LSM2: variants seen among roughly 807,000 people sequenced by gnomAD.
LSM2 encodes the protein LSM2 homolog, U6 small nuclear RNA and mRNA degradation associated, also known as U6 snRNA-associated Sm-like protein LSm2.
Under a neutral mutation model 17.0 loss-of-function variants are expected in LSM2, and 12 were observed. The observed-to-expected ratio is 0.70, with a 90% CI of 0.45 to 1.14. The LOEUF is 1.14. LSM2 is among the 50% of genes most tolerant of loss of function. The pLI is 0.00. For synonymous variants in LSM2, 42 were observed against 44.5 expected (o/e 0.94, Z 0.22); for missense variants, 62 against 111.8 (o/e 0.55, Z 2.01).
intron 1 of LSM2, chr6:31,806,351 G>C (rs1478972873): frequency 8.2e-6 from 5 of 611,226 alleles, no homozygotes; most frequent in Non-Finnish European, 1.4e-5. Context: ...ATCACTTAAA[G>C]TCCCAGAGAG....
At chr6:31,800,539 G>A (rs920872691) in intron 2 of LSM2, among the ~76,000 whole-genome samples, 12 of 151,934 alleles carry the variant, frequency 7.9e-5, no homozygotes, top group Non-Finnish European at 1.5e-4. Flanking sequence ...GATCACTTGA[G>A]GCCAGGACTT....
intron 2 of LSM2, among the ~76,000 whole-genome samples, chr6:31,805,072 G>A (rs1432474238): frequency 6.9e-6 from 1 of 143,890 alleles, no homozygotes; most frequent in Non-Finnish European, 1.5e-5. Context: ...GGCCTGGCCT[G>A]TTCTTTTTTT....
Position 31,806,804 on chromosome 6 carries a change from T to G in LSM2, c.-47A>C, listed in dbSNP as rs1361833408. The G allele has an allele frequency of 1.9e-6, 3 of 1,599,718 alleles. No individual in the cohort carries two copies. Among genetic ancestry groups the G allele is most frequent in the South Asian group, 2.2e-5 (2 of 89,684 alleles). ...GGGCCGGACCGGGAAGACAGCAGGGTGCTGCGAGCAGGTCTGGGGAAACCG... is the reference window on the plus strand; with the variant it reads ...GGGCCGGACCGGGAAGACAGCAGGGGGCTGCGAGCAGGTCTGGGGAAACCG... On this transcript the variant is annotated 5_prime_UTR_variant, in exon 1 of 5. Coordinates refer to ENST00000375661, the MANE Select transcript of LSM2 (RefSeq NM_021177.5).
Position 31,806,840 on chromosome 6 carries a change from C to A in LSM2, c.-83G>T, listed in dbSNP as rs1319531275. 1 of 1,504,700 alleles carries A rather than the reference C, an allele frequency of 6.6e-7. No individual in the cohort carries two copies. Among genetic ancestry groups the A allele is most frequent in the Non-Finnish European group, 8.9e-7 (1 of 1,128,972 alleles). 93.2% of individuals were successfully genotyped at this position (1,504,700 alleles called of 1,614,324 possible). A position where few individuals can be genotyped will look rare whatever the true frequency, so the allele number is the denominator to read the frequency against. ...GGTCTGGGGAAACCGAAGCGCGAGC[C>A]CGCGCGTGGGGCGAGGCGGGACCGC... On this transcript the variant is annotated 5_prime_UTR_variant, in exon 1 of 5. Coordinates refer to ENST00000375661, the MANE Select transcript of LSM2 (RefSeq NM_021177.5).
intron 2 of LSM2, among the ~76,000 whole-genome samples, chr6:31,804,968 A>G (rs1814933692): frequency 6.6e-6 from 1 of 151,214 alleles, no homozygotes; most frequent in Non-Finnish European, 1.5e-5. Context: ...GGGTTTCACC[A>G]TGTTAAACAG....
chr6:31,798,419 C>G, intron 3 of LSM2, 58 bp downstream of exon 3: 3 of 1,602,774 alleles, frequency 1.9e-6, no homozygotes, highest in Non-Finnish European at 2.6e-6. Context: ...GAACCCAACC[C>G]TTAAGTCTCC....
chr6:31,806,031 T>G, intron 2 of LSM2, 44 bp downstream of exon 2: 1 of 1,575,870 alleles, frequency 6.3e-7, no homozygotes, highest in South Asian at 1.1e-5. Flanking sequence ...TCCAGGGCCC[T>G]GGGCACACCC....
At chr6:31,802,190 G>A (rs1405117151) in intron 2 of LSM2, among the ~76,000 whole-genome samples, 1 of 151,424 alleles carries the variant, frequency 6.6e-6, no homozygotes, top group African/African-American at 2.4e-5. Flanking sequence ...TGAGGCAGGA[G>A]AATCACTTGA....
Position 31,802,506 on chromosome 6 carries a change from A to C in LSM2, c.71+3569T>G, listed in dbSNP as rs372825251. ...GCTACTCGGGAGGCTGAGGCAGGAT[A>C]ATCACTTGAACCAGGGAGTCGGAGG... is the stretch of plus-strand genomic sequence containing the variant. On this transcript the variant is annotated intron_variant, in intron 2 of 4. Coordinates refer to ENST00000375661, the MANE Select transcript of LSM2 (RefSeq NM_021177.5). 7.9e-5 allele frequency among the ~76,000 whole-genome samples: 12 copies of C among 152,166 alleles called. No individual in the cohort carries two copies. In the East Asian group the frequency reaches 1.5e-3, roughly 20 times the overall value.
At chr6:31,800,366 A>G (rs560506424) in intron 2 of LSM2, among the ~76,000 whole-genome samples, 3 of 152,212 alleles carry the variant, frequency 2.0e-5, no homozygotes, top group Admixed American at 6.6e-5. Flanking sequence ...AATAATCGTA[A>G]TAAATAGCAG....
Position 31,806,911 on chromosome 6 carries a change from G to A in LSM2, c.-154C>T, listed in dbSNP as rs1815083370. ...CGCAGAAAGCTCCAAGCGCTGACGG[G>A]CAAAGCGCGGCCGACTTGCGGCTGG... is the stretch of plus-strand genomic sequence containing the variant. On this transcript the variant is annotated 5_prime_UTR_variant, in exon 1 of 5. Coordinates refer to ENST00000375661, the MANE Select transcript of LSM2 (RefSeq NM_021177.5). The A allele has an allele frequency of 9.7e-7, 1 of 1,026,860 alleles. No homozygotes were observed. Among genetic ancestry groups the A allele is most frequent in the East Asian group, 2.8e-5 (1 of 35,200 alleles). The allele number at this position is 1,026,860 out of a possible 1,614,324, so 63.6% of individuals were successfully genotyped here.
chr6:31,798,155 C>G, intron 3 of LSM2, 106 bp from the exon 4 acceptor site: 1 of 1,058,596 alleles, frequency 9.4e-7, no homozygotes, highest in Non-Finnish European at 1.3e-6. Flanking sequence ...CATCTCGGCT[C>G]ACTGCAATCT....
intron 3 of LSM2, 139 bp downstream of exon 3, chr6:31,798,338 C>T: frequency 1.0e-6 from 1 of 1,003,524 alleles, no homozygotes; most frequent in Non-Finnish European, 1.5e-6. Context: ...TCTCAAAGTG[C>T]TGGGATTACA....
In LSM2 at chr6:31,806,093, TCCACGA is replaced by T; in HGVS notation, c.47_52del (p.Val16_Val17del). 6.2e-7 allele frequency: 1 copy of T among 1,612,954 alleles called. No homozygotes were observed. The highest frequency in any genetic ancestry group is 8.5e-7 in the Non-Finnish European group (1 of 1,179,924). On this transcript the variant is annotated inframe_deletion, in exon 2 of 5. Coordinates refer to ENST00000375661, the MANE Select transcript of LSM2 (RefSeq NM_021177.5). ...TACCTACCTCAGGTCATTCTTTAGT[TCCACGA>T]CCACATCCTTGCCCACAAGGGACTT...
intron 2 of LSM2, among the ~76,000 whole-genome samples, chr6:31,803,387 G>C (rs1270185123): frequency 6.6e-6 from 1 of 152,016 alleles, no homozygotes; most frequent in Non-Finnish European, 1.5e-5. Flanking sequence ...AAATTAGCTG[G>C]GCATGGTGGC....
chr6:31,806,726 G>T, intron 1 of LSM2, 29 bp downstream of exon 1: 1 of 1,608,702 alleles, frequency 6.2e-7, no homozygotes, highest in Non-Finnish European at 8.5e-7. Context: ...GTCCCCGAGG[G>T]CGCCCCCTTT....
intron 3 of LSM2, 74 bp downstream of exon 3, chr6:31,798,402 GA>G: frequency 6.4e-7 from 1 of 1,556,752 alleles, no homozygotes; most frequent in Non-Finnish European, 8.8e-7. Context: ...CTAGAGACAT[GA>G]TGTAAGAACC....
In LSM2 at chr6:31,806,091, G is replaced by C; in HGVS notation, c.55C>G (p.Leu19Val). 6.2e-7 allele frequency: 1 copy of C among 1,612,882 alleles called. No homozygotes were observed. Among genetic ancestry groups the C allele is most frequent in the Non-Finnish European group, 8.5e-7 (1 of 1,179,904 alleles). Residue 19 changes from leucine to valine, a missense_variant, in exon 2 of 5, where the codon CTA (leucine) becomes GTA (valine). Physicochemically the swap from Leu to Val is conservative, Grantham distance 32. Coordinates refer to ENST00000375661, the MANE Select transcript of LSM2 (RefSeq NM_021177.5). ...GGTACCTACCTCAGGTCATTCTTTA[G>C]TTCCACGACCACATCCTTGCCCACA... is the stretch of plus-strand genomic sequence containing the variant. ...SLVGKDVVVE[L>V]KNDLSICGTL... is the part of the protein sequence containing the mutation.
chr6:31,805,768 A>C (rs948064344), intron 2 of LSM2, among the ~76,000 whole-genome samples: 2 of 152,334 alleles, frequency 1.3e-5, no homozygotes, highest in Non-Finnish European at 2.9e-5. Flanking sequence ...AATTTAAGGC[A>C]CAAGGCATTT....
Sources: gnomAD v4.1 joint callset for allele counts (sites outside exome capture counted in the v4.1 genomes callset) on GRCh38, gnomAD v4.1.1 for gene constraint, MANE v1.5 for transcripts, NCBI Gene and HGNC (gene_info 2026-07-23, HGNC 2026-07-21) for gene names.